Variants in CDH9 observed in about 807,000 individuals in gnomAD.
CDH9 encodes cadherin-9.
A neutral mutation model predicts 70.9 loss-of-function variants in CDH9; 28 were observed. The ratio of observed to expected loss-of-function variants is 0.40; its 90% CI spans 0.29 to 0.54. CDH9 has a LOEUF of 0.54. CDH9 is among the 20% of genes least tolerant of loss of function. The probability of loss-of-function intolerance (pLI) is 0.59; values close to 1 mark genes in which losing one functional copy is unlikely to be tolerated. For synonymous variants in CDH9, 409 were observed against 343.1 expected, an observed-to-expected ratio of 1.19 and a Z score of -2.12; for missense variants, 874 against 984.4, an observed-to-expected ratio of 0.89 and a Z score of 1.50.
chr5:26,890,200 T>A (rs1740633015), intron 8 of CDH9, among the ~76,000 whole-genome samples: 1 of 152,214 alleles, frequency 6.6e-6, no homozygotes, highest in Non-Finnish European at 1.5e-5. Flanking sequence ...TTTATGAGGT[T>A]AAATTATATT....
intron 2 of CDH9, among the ~76,000 whole-genome samples, chr5:26,925,306 T>C (rs6862645): frequency 0.096 from 14,558 of 152,240 alleles, 873 homozygotes; most frequent in East Asian, 0.17. Flanking sequence ...CCAGTGATGA[T>C]GAGCATTTTT....
chr5:26,944,350 T>C, intron 2 of CDH9, among the ~76,000 whole-genome samples: 1 of 152,140 alleles, frequency 6.6e-6, no homozygotes, highest in Non-Finnish European at 1.5e-5. Flanking sequence ...CAAAATATCT[T>C]GTCTCTAAAA....
intron 3 of CDH9, among the ~76,000 whole-genome samples, chr5:26,915,313 C>T (rs556372746): frequency 1.1e-4 from 16 of 151,990 alleles, no homozygotes; most frequent in Non-Finnish European, 2.4e-4. Context: ...CTGATACTAT[C>T]TATTATTCTT....
At chr5:26,952,649 A>AG (rs1554000022) in intron 2 of CDH9, among the ~76,000 whole-genome samples, 8 of 145,414 alleles carry the variant, frequency 5.5e-5, no homozygotes, top group East Asian at 2.1e-4. Flanking sequence ...AAAAAAAAAA[A>AG]AAAAAAGAAA....
chr5:27,035,882 T>C (rs1743385443), intron 1 of CDH9, among the ~76,000 whole-genome samples: 1 of 151,846 alleles, frequency 6.6e-6, no homozygotes, highest in Non-Finnish European at 1.5e-5. Context: ...ATAAATTATA[T>C]TGAAGCATCT....
intron 11 of CDH9, among the ~76,000 whole-genome samples, chr5:26,884,298 C>G (rs1396615780): frequency 6.6e-6 from 1 of 152,092 alleles, no homozygotes; most frequent in Non-Finnish European, 1.5e-5. Flanking sequence ...GTGTGCATGA[C>G]TGTCTTTGTG....
chr5:26,902,376 G>C, intron 7 of CDH9, 100 bp downstream of exon 7: 2 of 731,634 alleles, frequency 2.7e-6, no homozygotes, highest in South Asian at 3.7e-5. Context: ...TATTATTACT[G>C]TGCTTGATTA....
intron 2 of CDH9, among the ~76,000 whole-genome samples, chr5:26,980,502 A>AT (rs1445374991): frequency 6.6e-6 from 1 of 151,910 alleles, no homozygotes; most frequent in East Asian, 1.9e-4. Context: ...TTTCCCTGGC[A>AT]TTTTTTCCAT....
chr5:26,931,514 A>C (rs907589531), intron 2 of CDH9, among the ~76,000 whole-genome samples: 1 of 152,182 alleles, frequency 6.6e-6, no homozygotes, highest in Non-Finnish European at 1.5e-5. Flanking sequence ...ACATTAAGAT[A>C]AGATTTGACA....
intron 1 of CDH9, among the ~76,000 whole-genome samples, chr5:27,021,931 G>A (rs1743144602): frequency 6.6e-6 from 1 of 151,934 alleles, no homozygotes; most frequent in African/African-American, 2.4e-5. Flanking sequence ...CATGTAAATA[G>A]ACTGTGAAAA....
At chr5:26,948,474 A>C (rs1193582873) in intron 2 of CDH9, among the ~76,000 whole-genome samples, 1 of 152,234 alleles carries the variant, frequency 6.6e-6, no homozygotes, top group South Asian at 2.1e-4. Context: ...AGCACATATC[A>C]CACAGCCTCT....
Position 26,886,081 on chromosome 5 carries a change from C to T in CDH9, c.1515G>A (p.Leu505=). The T allele has an allele frequency of 6.3e-7, 1 of 1,584,750 alleles. No individual in the cohort carries two copies. Among genetic ancestry groups the T allele is most frequent in the Non-Finnish European group, 8.5e-7 (1 of 1,172,212 alleles). ...TATCCATGACACTGACAGTCTGAAT[C>T]AACTGAAACCAAAATTAATTAATTA... is the stretch of plus-strand genomic sequence containing the variant. The part of the protein sequence containing the change: ...FVCENAKPGQ[L]IQTVSVMDKD... The change falls in exon 10 of 12, where the codon TTG becomes TTA. Residue 505 remains leucine, a splice_region_variant and synonymous_variant. Transcript: ENST00000231021.
intron 1 of CDH9, among the ~76,000 whole-genome samples, chr5:27,034,350 G>C (rs1186349175): frequency 6.6e-6 from 1 of 151,470 alleles, no homozygotes; most frequent in Non-Finnish European, 1.5e-5. Flanking sequence ...TCATATGCTC[G>C]TGTTTCATCG....
intron 1 of CDH9, among the ~76,000 whole-genome samples, chr5:27,035,711 G>GT (rs1743382403): frequency 1.4e-5 from 2 of 138,856 alleles, no homozygotes; most frequent in African/African-American, 2.7e-5. Context: ...TGTGTGTGTG[G>GT]GTGTGTGTGG....
At chr5:27,023,731 T>C (rs1422229948) in intron 1 of CDH9, among the ~76,000 whole-genome samples, 2 of 152,064 alleles carry the variant, frequency 1.3e-5, no homozygotes, top group Non-Finnish European at 2.9e-5. Context: ...AGATAAAATC[T>C]TGTAGGATTA....
intron 1 of CDH9, chr5:27,028,417 A>G (rs1743257313): frequency 6.6e-6 from 1 of 151,980 alleles, no homozygotes; most frequent in Non-Finnish European, 1.5e-5. Context: ...TAAATACCCT[A>G]GACTCCTCTT....
rs1740554556 is a variant in CDH9 at position 26,885,767 on chromosome 5, T to C, written c.1729A>G (p.Ile577Val). 2 of 1,613,938 alleles carry C rather than the reference T, an allele frequency of 1.2e-6. No individual in the cohort carries two copies. The highest frequency in any genetic ancestry group is 1.7e-5 in the Admixed American group (1 of 59,916). Residue 577 changes from isoleucine to valine, a missense_variant, in exon 11 of 12, where the codon ATT (isoleucine) becomes GTT (valine). Transcript: ENST00000231021. ...GTGAGTGTACCAGTGCTGCTTTGAA[T>C]TGGATAATCGTTGTCAAAGATTAAA... ...PILIFDNDYP[I>V]QSSTGTLTIR...
chr5:27,031,793 G>A (rs957163679), intron 1 of CDH9, among the ~76,000 whole-genome samples: 3 of 151,808 alleles, frequency 2.0e-5, no homozygotes, highest in South Asian at 2.1e-4. Flanking sequence ...GGACTCCCAC[G>A]CCTCTCGTGT....
intron 1 of CDH9, among the ~76,000 whole-genome samples, chr5:27,006,022 G>C (rs990374905): frequency 4.6e-5 from 7 of 151,968 alleles, no homozygotes; most frequent in Non-Finnish European, 8.8e-5. Context: ...CTACTTGGAG[G>C]TGGAGGCTGG....
Sources: allele counts gnomAD v4.1 joint callset (sites outside exome capture counted in the v4.1 genomes callset), GRCh38; gene constraint gnomAD v4.1.1; transcripts MANE v1.5; gene names NCBI Gene and HGNC (gene_info 2026-07-23, HGNC 2026-07-21).